The following SLC8A1 variants were observed in gnomAD, a reference collection of about 807,000 sequenced individuals.
SLC8A1 encodes sodium/calcium exchanger 1.
A neutral mutation model predicts 68.3 loss-of-function variants in SLC8A1; 18 were observed. The ratio of observed to expected loss-of-function variants is 0.26; its 90% CI spans 0.18 to 0.39. SLC8A1 has a LOEUF of 0.39. SLC8A1 is among the 10% of genes least tolerant of loss of function. The pLI, the probability that SLC8A1 is intolerant of heterozygous loss-of-function variation, is 1.00. For synonymous variants in SLC8A1, 475 were observed against 415.5 expected (o/e 1.14, Z -1.74); for missense variants, 985 against 1,156.7 (o/e 0.85, Z 2.15).
In SLC8A1 at chr2:40,100,417, G is replaced by A. The variant is rs547892347; in HGVS notation, c.*14836C>T. The A allele has an allele frequency of 2.4e-4, 36 of 152,126 alleles. 1 individual carries two copies. The highest frequency in any genetic ancestry group is 2.1e-3 in the Admixed American group (32 of 15,272). The allele number at this position is 152,126 out of a possible 1,614,324, so 9.4% of individuals were successfully genotyped here. A position where few individuals can be genotyped will look rare whatever the true frequency, so the allele number is the denominator to read the frequency against. ...AAACAAGAAATCAACCACTATGGACGGCAAAAGTTGGGAATGAGGTCAAGG... is the reference window on the plus strand; with the variant it reads ...AAACAAGAAATCAACCACTATGGACAGCAAAAGTTGGGAATGAGGTCAAGG... On this transcript the variant is annotated 3_prime_UTR_variant, in exon 8 of 8. Coordinates refer to ENST00000406785, the Ensembl canonical transcript of SLC8A1.
intron 2 of SLC8A1, among the ~76,000 whole-genome samples, chr2:40,390,068 G>A (rs1186074607): frequency 6.6e-6 from 1 of 151,832 alleles, no homozygotes; most frequent in African/African-American, 2.4e-5. Context: ...ATATAGATAT[G>A]TTGTAATGTA....
intron 2 of SLC8A1, among the ~76,000 whole-genome samples, chr2:40,294,950 A>C (rs2070065761): frequency 6.6e-6 from 1 of 152,194 alleles, no homozygotes; most frequent in African/African-American, 2.4e-5. Flanking sequence ...GGGTGACAAA[A>C]GGAACAGAAA....
intron 2 of SLC8A1, among the ~76,000 whole-genome samples, chr2:40,298,339 T>G (rs2070803355): frequency 6.6e-6 from 1 of 152,220 alleles, no homozygotes; most frequent in Non-Finnish European, 1.5e-5. Flanking sequence ...CAATGACTAC[T>G]TGGCTCTTTT....
At chr2:40,260,631 A>G (rs773483018) in intron 2 of SLC8A1, among the ~76,000 whole-genome samples, 2 of 152,158 alleles carry the variant, frequency 1.3e-5, no homozygotes, top group African/African-American at 4.8e-5. Context: ...AGCTTCCAGT[A>G]AAGAAAAAGA....
intron 1 of SLC8A1, among the ~76,000 whole-genome samples, chr2:40,473,522 T>C (rs1704113243): frequency 1.3e-5 from 2 of 152,242 alleles, no homozygotes; most frequent in South Asian, 4.1e-4. Context: ...CCAAATAATA[T>C]GTCTTGTAAA....
At chr2:40,408,349 A>G (rs917944494) in intron 2 of SLC8A1, among the ~76,000 whole-genome samples, 1 of 152,224 alleles carries the variant, frequency 6.6e-6, no homozygotes, top group African/African-American at 2.4e-5. Flanking sequence ...TTGATAAATT[A>G]GCTTAGACTG....
At chr2:40,197,473 C>T (rs1259949520) in intron 2 of SLC8A1, among the ~76,000 whole-genome samples, 1 of 151,990 alleles carries the variant, frequency 6.6e-6, no homozygotes, top group Admixed American at 6.6e-5. Flanking sequence ...CCCTAACATA[C>T]ACACTGACTT....
chr2:40,327,354 C>T (rs1301014284), intron 2 of SLC8A1, among the ~76,000 whole-genome samples: 2 of 152,154 alleles, frequency 1.3e-5, no homozygotes, highest in African/African-American at 2.4e-5. Context: ...GTGCATATGA[C>T]ATTTTAACAT....
chr2:40,445,738 G>A lies in SLC8A1; in HGVS notation c.-25+6166C>T, dbSNP rs543036387. Among the ~76,000 whole-genome samples, 7 of 152,278 alleles carry A rather than the reference G, an allele frequency of 4.6e-5. No individual in the cohort carries two copies. In the South Asian group the frequency reaches 1.4e-3, roughly 32 times the overall value. On this transcript the variant is annotated intron_variant, in intron 1 of 7. Coordinates refer to ENST00000406785, the Ensembl canonical transcript of SLC8A1. ...AAGAAAGGCAGACAGGGAGGAGTCAGGGGAAAAGAAGCACTGACTGCCCAA... is the reference window on the plus strand; with the variant it reads ...AAGAAAGGCAGACAGGGAGGAGTCAAGGGAAAAGAAGCACTGACTGCCCAA...
At chr2:40,381,405 G>T (rs1041540195) in intron 2 of SLC8A1, among the ~76,000 whole-genome samples, 1 of 151,832 alleles carries the variant, frequency 6.6e-6, no homozygotes, top group African/African-American at 2.4e-5. Context: ...GATTCCTGTG[G>T]GACAAACTTC....
intron 2 of SLC8A1, among the ~76,000 whole-genome samples, chr2:40,181,833 T>C (rs1490483329): frequency 6.6e-6 from 1 of 152,214 alleles, no homozygotes; most frequent in Non-Finnish European, 1.5e-5. Flanking sequence ...ATCCTTAGGA[T>C]GTCTCCTTTT....
chr2:40,166,644 G>C (rs941340566), intron 4 of SLC8A1, among the ~76,000 whole-genome samples: 36 of 152,146 alleles, frequency 2.4e-4, no homozygotes, highest in Non-Finnish European at 5.1e-4. Flanking sequence ...TCCAAGATTT[G>C]TCCTTGCAAA....
At position 40,187,226 on chromosome 2, in the gene SLC8A1, C is replaced by G. The variant is rs532138742; in HGVS notation, c.1809-9371G>C. Among the ~76,000 whole-genome samples, 55 of 152,344 alleles carry G rather than the reference C, an allele frequency of 3.6e-4. No individual in the cohort carries two copies. The South Asian group carries it at 6.8e-3, about 19-fold the overall frequency. On this transcript the variant is annotated intron_variant, in intron 2 of 7. Transcript: ENST00000406785. ...AGCTCTGCCAGGTTCTCATTCACCA[C>G]TAGCAGGATACGCACAGGGATCTGA...
intron 2 of SLC8A1, among the ~76,000 whole-genome samples, chr2:40,246,301 C>T (rs1354294124): frequency 1.3e-5 from 2 of 152,196 alleles, no homozygotes; most frequent in East Asian, 1.9e-4. Flanking sequence ...AATACGCAAA[C>T]TGTGGTCCTG....
chr2:40,205,559 A>T (rs766015024), intron 2 of SLC8A1, among the ~76,000 whole-genome samples: 1 of 152,074 alleles, frequency 6.6e-6, no homozygotes, highest in Non-Finnish European at 1.5e-5. Context: ...AGAAAACCAA[A>T]CACCGCAGGT....
exon 8 of SLC8A1, chr2:40,100,234 C>T (rs758930612): frequency 6.6e-6 from 1 of 152,046 alleles, no homozygotes. Flanking sequence ...CAATATGTAA[C>T]TTTTTTTCTT....
intron 2 of SLC8A1, chr2:40,254,593 C>CTTTT (rs1281028021): frequency 1.3e-5 from 2 of 151,922 alleles, no homozygotes; most frequent in African/African-American, 4.8e-5. Context: ...TTAAAAATTT[C>CTTTT]TTTTTTATTA....
chr2:40,186,624 C>A (rs949193283), intron 2 of SLC8A1, among the ~76,000 whole-genome samples: 1 of 152,126 alleles, frequency 6.6e-6, no homozygotes, highest in South Asian at 2.1e-4. Flanking sequence ...GTCATAAAAA[C>A]AGGACTGAAT....
chr2:40,238,598 G>C (rs1425060265), intron 2 of SLC8A1, among the ~76,000 whole-genome samples: 1 of 152,214 alleles, frequency 6.6e-6, no homozygotes, highest in African/African-American at 2.4e-5. Flanking sequence ...GTAGACCGGA[G>C]CTGTTCCTAT....
Sources: gnomAD v4.1 joint callset for allele counts (sites outside exome capture counted in the v4.1 genomes callset) on GRCh38, gnomAD v4.1.1 for gene constraint, MANE v1.5 for transcripts, NCBI Gene and HGNC (gene_info 2026-07-23, HGNC 2026-07-21) for gene names.